MYO7B: variants seen among roughly 807,000 people sequenced by gnomAD.
MYO7B encodes myosin VIIB.
In MYO7B, 212 loss-of-function variants were observed where a neutral mutation model predicts 259.7. The observed-to-expected ratio is 0.82, with a 90% CI of 0.73 to 0.91. The LOEUF (loss-of-function observed/expected upper bound fraction) is 0.91. MYO7B is among the 40% of genes least tolerant of loss of function. The pLI is 0.00. For synonymous variants in MYO7B, 1,197 were observed against 1,166.4 expected (o/e 1.03, Z -0.54); for missense variants, 2,732 against 2,813.5 (o/e 0.97, Z 0.66).
At chr2:127,622,207 T>C in intron 28 of MYO7B, 106 bp downstream of exon 28, 1 of 1,404,684 alleles carries the variant, frequency 7.1e-7, no homozygotes, top group Non-Finnish European at 9.4e-7. Context: ...AACTTTGTCC[T>C]CTGAGCCCCG....
At position 127,576,644 on chromosome 2, in the gene MYO7B, T is replaced by A; in HGVS notation, c.785T>A (p.Val262Glu). 1 of 1,610,500 alleles carries A rather than the reference T, an allele frequency of 6.2e-7. No homozygotes were observed. The highest frequency in any genetic ancestry group is 1.1e-5 in the South Asian group (1 of 90,762). The change falls in exon 8 of 48, where the codon GTG (valine) becomes GAG (glutamate). Residue 262 changes from valine (V) to glutamate (E), a missense_variant. Val to Glu is a moderately radical substitution (Grantham distance 121, BLOSUM62 -2). This residue lies in a region of MYO7B where 1,906 missense variants were observed against 2,026.4 expected (regional missense o/e 0.94). Coordinates refer to ENST00000409816, the MANE Select transcript of MYO7B (RefSeq NM_001393586.1). This position sits in a 1 kb window ranked among gnomAD's most constrained non-coding sequence, Gnocchi z 4.9. ...ATCTTCTACTGCATGCTCATGGGGG[T>A]GAGTGCTGAGGACAAGCAGCTGCTG... is the stretch of plus-strand genomic sequence containing the variant. ...YHIFYCMLMG[V>E]SAEDKQLLSL...
chr2:127,585,452 T>C lies in MYO7B; in HGVS notation c.1690+539T>C, dbSNP rs76734590. Among the ~76,000 whole-genome samples, 1,696 of 152,306 alleles carry C rather than the reference T, an allele frequency of 0.011. 17 individuals carry two copies. The highest frequency in any genetic ancestry group is 0.017 in the Admixed American group (266 of 15,300). On this transcript the variant is annotated intron_variant, in intron 14 of 47. Transcript: ENST00000409816. This position sits in a 1 kb window ranked among gnomAD's most constrained non-coding sequence, Gnocchi z 4.3. ...TTTTTATTGCAGAAAAACATTCCATTATCTGGAATGTTTATCTCGTCATCA... is the reference window on the plus strand; with the variant it reads ...TTTTTATTGCAGAAAAACATTCCATCATCTGGAATGTTTATCTCGTCATCA...
Position 127,584,890 on chromosome 2 carries a change from G to A in MYO7B, c.1667G>A (p.Gly556Asp), listed in dbSNP as rs1288245929. ...AGATTTGGCATTGCCCATTTTGCCG[G>A]CGAGGTGTACTACCAAGCAGAAGGT... ...DARFGIAHFA[G>D]EVYYQAEGFL... is the part of the protein sequence containing the mutation. The change falls in exon 14 of 48, where the codon GGC (glycine) becomes GAC (aspartate). Residue 556 changes from glycine (G) to aspartate (D), a missense_variant. Gly to Asp is a moderately conservative substitution (Grantham distance 94). Transcript: ENST00000409816. This position sits in a 1 kb window ranked among gnomAD's most constrained non-coding sequence, Gnocchi z 5.8. 1.5e-5 allele frequency: 25 copies of A among 1,613,806 alleles called. No individual in the cohort carries two copies. The highest frequency in any genetic ancestry group is 2.1e-5 in the Non-Finnish European group (25 of 1,179,892).
chr2:127,579,944 G>T (rs969420474), intron 9 of MYO7B, among the ~76,000 whole-genome samples: 24 of 152,242 alleles, frequency 1.6e-4, no homozygotes, highest in Admixed American at 9.2e-4. Context: ...TCTATGTAGG[G>T]AATAAAAAGC....
rs1037860119 is a variant in MYO7B at position 127,590,002 on chromosome 2, C to T, written c.1855-90C>T. On this transcript the variant is annotated intron_variant, in intron 15 of 47. Coordinates refer to ENST00000409816, the MANE Select transcript of MYO7B (RefSeq NM_001393586.1). This position sits in a 1 kb window ranked among gnomAD's most constrained non-coding sequence, Gnocchi z 4.6. The stretch of plus-strand genomic sequence containing the variant: ...TAGATGCACCACCCCACCTGTGGGG[C>T]CTTGGCCGCAACCCTTGCTGGCCTA... 3.1e-5 allele frequency: 44 copies of T among 1,431,916 alleles called. No homozygotes were observed. The highest frequency in any genetic ancestry group is 4.0e-5 in the Non-Finnish European group (42 of 1,051,958). The allele number at this position is 1,431,916 out of a possible 1,614,324, so 88.7% of individuals were successfully genotyped here.
rs1397482897 is a variant in MYO7B, at chr2:127,578,236, T to C, written c.953T>C (p.Val318Ala). The C allele has an allele frequency of 6.2e-7, 1 of 1,612,776 alleles. No homozygotes were observed. The highest frequency in any genetic ancestry group is 1.1e-5 in the South Asian group (1 of 90,944). ...LQFSDSESWD[V>A]IKLLAAILHL... ...TTCTCCGACTCCGAGAGCTGGGACG[T>C]CATCAAGCTGCTGGCTGCCATTCTC... is the stretch of plus-strand genomic sequence containing the variant. Residue 318 changes from valine to alanine, a missense_variant, in exon 9 of 48, where the codon GTC (valine) becomes GCC (alanine). This residue lies in a region of MYO7B where 1,906 missense variants were observed against 2,026.4 expected (regional missense o/e 0.94). Coordinates refer to ENST00000409816, the MANE Select transcript of MYO7B (RefSeq NM_001393586.1).
chr2:127,582,248 G>A, intron 11 of MYO7B, 56 bp from the exon 12 acceptor site: 2 of 1,594,962 alleles, frequency 1.3e-6, no homozygotes, highest in Non-Finnish European at 1.7e-6. Flanking sequence ...GAACTTGGAG[G>A]TAACCTCCGC....
chr2:127,566,922 T>C (rs769617723), intron 5 of MYO7B, 95 bp downstream of exon 5: 8 of 1,329,148 alleles, frequency 6.0e-6, no homozygotes, highest in Middle Eastern at 1.9e-4. Flanking sequence ...GAGCTCTCCC[T>C]ACTCCATGGC....
Position 127,559,720 on chromosome 2 carries a change from A to C in MYO7B, c.-3A>C, listed in dbSNP as rs1351039391. 6.2e-7 allele frequency: 1 copy of C among 1,613,976 alleles called. No homozygotes were observed. Among genetic ancestry groups the C allele is most frequent in the East Asian group, 2.2e-5 (1 of 44,878 alleles). ...TACAGGCTTGTGGAACTGCTGACTC[A>C]GGATGTCGGGGTTCAGGCTGGTAAG... On this transcript the variant is annotated 5_prime_UTR_variant, in exon 2 of 48. Transcript: ENST00000409816. The surrounding 1 kb of genome is among the most constrained non-coding windows in gnomAD (Gnocchi z 4.1).
chr2:127,542,006 G>A (rs1440023205), intron 1 of MYO7B, among the ~76,000 whole-genome samples: 1 of 152,256 alleles, frequency 6.6e-6, no homozygotes, highest in Non-Finnish European at 1.5e-5. Flanking sequence ...AAGACAGGAT[G>A]GAGGACTGTA....
intron 18 of MYO7B, among the ~76,000 whole-genome samples, chr2:127,594,061 A>C (rs746487415): frequency 7.2e-5 from 11 of 152,258 alleles, no homozygotes; most frequent in Non-Finnish European, 1.2e-4. Flanking sequence ...CAGCCTCTGC[A>C]GAGCCCGGAG....
chr2:127,617,486 G>GTTT (rs1558838488), intron 26 of MYO7B, among the ~76,000 whole-genome samples: 3 of 107,834 alleles, frequency 2.8e-5, no homozygotes, highest in African/African-American at 9.8e-5. Context: ...CTTGTAACGG[G>GTTT]GTTTTTTTTT....
intron 6 of MYO7B, among the ~76,000 whole-genome samples, chr2:127,573,681 C>G (rs528061495): frequency 4.6e-5 from 7 of 152,368 alleles, no homozygotes; most frequent in South Asian, 4.1e-4. Context: ...ATCCCACACT[C>G]TGACAAGATT....
Position 127,614,152 on chromosome 2 carries a change from C to G in MYO7B, c.3398+1549C>G, listed in dbSNP as rs934065412. On this transcript the variant is annotated intron_variant, in intron 26 of 47. Transcript: ENST00000409816. The surrounding 1 kb of genome is among the most constrained non-coding windows in gnomAD (Gnocchi z 4.6). ...ATGGCAGACACATAAAAGCTATATT[C>G]GAATGATGTGTACTTTGGGTTCTTC... 2.0e-5 allele frequency among the ~76,000 whole-genome samples: 3 copies of G among 152,126 alleles called. No individual in the cohort carries two copies. Among genetic ancestry groups the G allele is most frequent in the Non-Finnish European group, 2.9e-5 (2 of 68,026 alleles).
chr2:127,583,334 C>T (rs1361436114), intron 12 of MYO7B, among the ~76,000 whole-genome samples: 4 of 152,232 alleles, frequency 2.6e-5, no homozygotes, highest in African/African-American at 4.8e-5. Context: ...CACGCAAGCA[C>T]GCTGGGATCT....
chr2:127,634,154 C>T (rs1467104712), intron 40 of MYO7B, 22 bp from the exon 41 acceptor site: 3 of 1,576,310 alleles, frequency 1.9e-6, no homozygotes, highest in Middle Eastern at 1.7e-4. Context: ...CCCCGGGCCT[C>T]ACCAGCTGCC....
intron 16 of MYO7B, among the ~76,000 whole-genome samples, chr2:127,591,610 A>G (rs1317726244): frequency 6.6e-6 from 1 of 152,222 alleles, no homozygotes; most frequent in East Asian, 1.9e-4. Context: ...CACTTACCCG[A>G]GGCTAAGCTC....
At position 127,584,221 on chromosome 2, in the gene MYO7B, C is replaced by T. The variant is rs917776267; in HGVS notation, c.1443C>T (p.Asn481=). ...TMEQEEYRSE[N]ISWDYIHYTD... is the part of the protein sequence containing the mutation. ...AGCAAGAGGAGTACCGCTCGGAGAA[C>T]ATCTCCTGGGACTATATCCACTACA... The change falls in exon 13 of 48, where the codon AAC becomes AAT. Residue 481 remains asparagine (N), a synonymous_variant. Transcript: ENST00000409816. This position sits in a 1 kb window ranked among gnomAD's most constrained non-coding sequence, Gnocchi z 5.8. 3.1e-6 allele frequency: 5 copies of T among 1,614,008 alleles called. No homozygotes were observed. The South Asian group carries it at 4.4e-5, about 14-fold the overall frequency.
chr2:127,551,722 G>C (rs1693450841), intron 1 of MYO7B, among the ~76,000 whole-genome samples: 1 of 152,180 alleles, frequency 6.6e-6, no homozygotes, highest in Non-Finnish European at 1.5e-5. Context: ...CCCCTGGGCA[G>C]TCATCTAAGT....
Sources: gnomAD v4.1 joint callset for allele counts (sites outside exome capture counted in the v4.1 genomes callset) on GRCh38, gnomAD v4.1.1 for gene constraint, gnomAD v4.1.1 regional missense constraint, Gnocchi (gnomAD v3.1) non-coding constraint, MANE v1.5 for transcripts, NCBI Gene and HGNC (gene_info 2026-07-23, HGNC 2026-07-21) for gene names.